NBPF15: variants seen among roughly 807,000 people sequenced by gnomAD.
The protein encoded by NBPF15 is NBPF family member NBPF15.
NBPF15 carries 74 observed loss-of-function variants against 62.2 expected under a neutral mutation model. The observed-to-expected ratio is 1.19, with a 90% CI of 0.99 to 1.44. The LOEUF (loss-of-function observed/expected upper bound fraction) is 1.44, where lower values mean the gene tolerates loss of function less well. Ranked by LOEUF, NBPF15 falls within the 40% of genes most tolerant of loss-of-function variation. The pLI is 0.00. For synonymous variants in NBPF15, 244 were observed against 209.7 expected (o/e 1.16, Z -1.41); for missense variants, 790 against 550.0 (o/e 1.44, Z -4.36).
At chr1:144,429,508 C>T (rs1331475864) in intron 14 of NBPF15, among the ~76,000 whole-genome samples, 192 bp downstream of exon 14, 3 of 149,018 alleles carry the variant, frequency 2.0e-5, no homozygotes, top group East Asian at 3.9e-4. Flanking sequence ...AGGAAGAGAG[C>T]AAAGCTCACT....
chr1:144,441,480 A>C (rs1682894463), intron 6 of NBPF15, among the ~76,000 whole-genome samples: 1 of 149,568 alleles, frequency 6.7e-6, no homozygotes, highest in African/African-American at 2.5e-5. Flanking sequence ...GCTGTTTGTC[A>C]ATTTCTTTGT....
At chr1:144,426,813 T>C (rs1381536259) in intron 17 of NBPF15, among the ~76,000 whole-genome samples, 1 of 150,886 alleles carries the variant, frequency 6.6e-6, no homozygotes, top group Non-Finnish European at 1.5e-5. Context: ...CAAGATTCCA[T>C]GCAGTTGCCA....
In NBPF15 at chr1:144,424,700, A is replaced by G. The variant is rs1315680839; in HGVS notation, c.1653T>C (p.Leu551=). The G allele has an allele frequency of 1.2e-3, 759 of 621,626 alleles. 3 individuals carry two copies. Among genetic ancestry groups the G allele is most frequent in the East Asian group, 3.6e-3 (135 of 37,330 alleles). The allele number at this position is 621,626 out of a possible 1,614,324, so 38.5% of individuals were successfully genotyped here. The change falls in exon 20 of 22, where the codon CTT becomes CTC. Residue 551 remains leucine (L), a synonymous_variant. Coordinates refer to ENST00000581897, the MANE Select transcript of NBPF15 (RefSeq NM_001385408.1). ...TAGAAAGGTACTCACCTCCCACGTCAAGAGAAAAGCCAACATGTTTTTCCT... is the reference window on the plus strand; with the variant it reads ...TAGAAAGGTACTCACCTCCCACGTCGAGAGAAAAGCCAACATGTTTTTCCT... ...ALEEKHVGFS[L]DVGEIEKKGK...
intron 17 of NBPF15, among the ~76,000 whole-genome samples, chr1:144,426,755 A>G (rs1442591514): frequency 2.0e-5 from 3 of 151,842 alleles, no homozygotes; most frequent in African/African-American, 7.3e-5. Flanking sequence ...CACACAACGA[A>G]CAGTGGTCAT....
intron 4 of NBPF15, among the ~76,000 whole-genome samples, chr1:144,453,358 G>T (rs191479039): frequency 2.8e-4 from 43 of 151,984 alleles, no homozygotes; most frequent in African/African-American, 9.4e-4. Flanking sequence ...AATGTAAGGT[G>T]CAAAACCATA....
At chr1:144,441,811 C>T (rs1427523554) in intron 6 of NBPF15, among the ~76,000 whole-genome samples, 4 of 150,906 alleles carry the variant, frequency 2.7e-5, no homozygotes, top group Non-Finnish European at 5.9e-5. Context: ...TTAATATTAA[C>T]TTTTTAAAAC....
At chr1:144,461,315 G>T (rs1302014482) in intron 1 of NBPF15, 66 bp downstream of exon 1, 1 of 143,804 alleles carries the variant, frequency 7.0e-6, no homozygotes, top group Non-Finnish European at 1.5e-5. Context: ...GCCCTCCGTC[G>T]CTCGCAACAA....
At chr1:144,435,400 G>A (rs1571127057) in intron 11 of NBPF15, 84 bp from the exon 12 acceptor site, 4 of 1,420,942 alleles carry the variant, frequency 2.8e-6, no homozygotes, top group East Asian at 4.6e-5. Flanking sequence ...GTTTTGACAG[G>A]CGGCATTAAG....
intron 9 of NBPF15, among the ~76,000 whole-genome samples, chr1:144,437,465 A>T (rs1315182016): frequency 1.4e-5 from 2 of 145,586 alleles, no homozygotes; most frequent in Non-Finnish European, 3.0e-5. Flanking sequence ...CGGCCACTAG[A>T]TACAAAGCCA....
Position 144,423,188 on chromosome 1 carries a change from G to A in NBPF15, c.1838C>T (p.Ser613Leu), listed in dbSNP as rs200949130. ...TTGTTCAAAGTACATTGACGGAGTC[G>A]AATAACATCTATCCAGTGAGTCCTG... ...VLQDSLDRCY[S>L]TPSMYFEQPD... is the part of the protein sequence containing the mutation. The change falls in exon 22 of 22, where the codon TCG (serine) becomes TTG (leucine). Residue 613 changes from serine (S) to leucine (L), a missense_variant. Coordinates refer to ENST00000581897, the MANE Select transcript of NBPF15 (RefSeq NM_001385408.1). 245 of 1,611,576 alleles carry A rather than the reference G, an allele frequency of 1.5e-4. 4 individuals are homozygous for A. The highest frequency in any genetic ancestry group is 1.2e-4 in the Non-Finnish European group (144 of 1,179,594).
At chr1:144,452,252 C>A (rs776643301) in intron 4 of NBPF15, among the ~76,000 whole-genome samples, 12 of 151,938 alleles carry the variant, frequency 7.9e-5, no homozygotes, top group South Asian at 2.1e-4. Flanking sequence ...TTTAAAAATT[C>A]TTTTTCTTGT....
intron 3 of NBPF15, among the ~76,000 whole-genome samples, chr1:144,458,353 A>G (rs1254130189): frequency 1.2e-4 from 18 of 151,716 alleles, no homozygotes; most frequent in Non-Finnish European, 4.4e-5. Flanking sequence ...CATCTAATTC[A>G]AGTCACAATG....
At chr1:144,454,881 G>A (rs1192877820) in intron 4 of NBPF15, among the ~76,000 whole-genome samples, 2 of 148,136 alleles carry the variant, frequency 1.4e-5, no homozygotes, top group East Asian at 2.0e-4. Context: ...AGGAGGAGGA[G>A]GCTGGGAGGA....
At chr1:144,440,073 A>G (rs1681670259) in intron 7 of NBPF15, 35 bp from the exon 8 acceptor site, 2 of 1,566,458 alleles carry the variant, frequency 1.3e-6, no homozygotes, top group South Asian at 2.2e-5. Flanking sequence ...TGATGGGTTA[A>G]AAACTGGTGA....
rs1485418618 is a variant in NBPF15, at chr1:144,449,718, C to T, written c.-332-802G>A. Among the ~76,000 whole-genome samples, 3 of 151,136 alleles carry T rather than the reference C, an allele frequency of 2.0e-5. 1 individual carries two copies. The highest frequency in any genetic ancestry group is 4.4e-5 in the Non-Finnish European group (3 of 67,428). On this transcript the variant is annotated intron_variant, in intron 5 of 21. Transcript: ENST00000581897. ...GAAACTCCTGCTGGATTTTGCCCAG[C>T]TCCATTTCCAAACTATTTTGGGTTA...
intron 4 of NBPF15, among the ~76,000 whole-genome samples, chr1:144,455,856 G>C (rs1342148193): frequency 6.6e-6 from 1 of 151,914 alleles, no homozygotes; most frequent in African/African-American, 2.4e-5. Context: ...AGCAGGGCAT[G>C]GTACCTAATA....
chr1:144,443,977 T>C (rs1685383523), intron 6 of NBPF15, among the ~76,000 whole-genome samples: 1 of 151,790 alleles, frequency 6.6e-6, no homozygotes, highest in Non-Finnish European at 1.5e-5. Context: ...TTAACCATTT[T>C]CTATAAATGA....
chr1:144,443,666 G>A (rs1318906180), intron 6 of NBPF15, among the ~76,000 whole-genome samples: 1 of 151,636 alleles, frequency 6.6e-6, no homozygotes, highest in Non-Finnish European at 1.5e-5. Flanking sequence ...TAATGATTCT[G>A]GCTATTAATC....
chr1:144,422,999 T>G lies in NBPF15; in HGVS notation c.*14A>C. The G allele has an allele frequency of 1.2e-6, 2 of 1,611,648 alleles. No individual in the cohort carries two copies. ...GCCTGCAGGAATGACATCTCTCGGC[T>G]TAGTAAGAGCTGCTTATTGTGGGAA... On this transcript the variant is annotated 3_prime_UTR_variant, in exon 22 of 22. Coordinates refer to ENST00000581897, the MANE Select transcript of NBPF15 (RefSeq NM_001385408.1).
Sources: gnomAD v4.1 joint callset for allele counts (sites outside exome capture counted in the v4.1 genomes callset) on GRCh38, gnomAD v4.1.1 for gene constraint, MANE v1.5 for transcripts, NCBI Gene and HGNC (gene_info 2026-07-23, HGNC 2026-07-21) for gene names.